The following CFAP97 variants were observed in gnomAD, a reference collection of about 807,000 sequenced individuals.
CFAP97 encodes cilia- and flagella-associated protein 97.
A neutral mutation model predicts 43.1 loss-of-function variants in CFAP97; 36 were observed. The observed-to-expected ratio is 0.84, with a 90% CI of 0.64 to 1.10. The LOEUF is 1.10. Among genes scored for constraint, CFAP97 ranks in the 50% least tolerant of loss-of-function variants. CFAP97 has a pLI of 0.00. For missense variants in CFAP97, 657 were observed against 620.3 expected, an observed-to-expected ratio of 1.06 and a Z score of -0.63; for synonymous variants, 228 against 225.7, an observed-to-expected ratio of 1.01 and a Z score of -0.09.
In CFAP97 at chr4:185,175,973, G is replaced by A. The variant is rs752526312; in HGVS notation, c.1133C>T (p.Ser378Phe). 50 of 1,613,594 alleles carry A rather than the reference G, an allele frequency of 3.1e-5. No individual in the cohort carries two copies. The highest frequency in any genetic ancestry group is 4.2e-5 in the Non-Finnish European group (50 of 1,179,856). ...QPSVAPGKNY[S>F]FTREEVRQID... Reference sequence around the variant, plus strand: ...CTGTCTCACCTCTTCTCTTGTGAAAGAGTAGTTTTTCCCGGGTGCTACTGA... The same window carrying A: ...CTGTCTCACCTCTTCTCTTGTGAAAAAGTAGTTTTTCCCGGGTGCTACTGA... Residue 378 changes from serine to phenylalanine, a missense_variant, in exon 3 of 5, where the codon TCT (serine) becomes TTT (phenylalanine). Physicochemically the swap from Ser to Phe is radical, Grantham distance 155. Transcript: ENST00000458385.
chr4:185,179,875 C>T (rs1735715003), intron 2 of CFAP97, among the ~76,000 whole-genome samples: 1 of 152,200 alleles, frequency 6.6e-6, no homozygotes, highest in South Asian at 2.1e-4. Context: ...ATCAATGCTT[C>T]CATGGTGATG....
chr4:185,205,331 G>A (rs1737141692), upstream of CFAP97, among the ~76,000 whole-genome samples: 1 of 152,096 alleles, frequency 6.6e-6, no homozygotes, highest in South Asian at 2.1e-4. Flanking sequence ...ACGTGAGCCT[G>A]TAGTCCCAGC....
At chr4:185,185,204 CT>C (rs542631243) in intron 2 of CFAP97, among the ~76,000 whole-genome samples, 7 of 149,496 alleles carry the variant, frequency 4.7e-5, no homozygotes, top group East Asian at 1.9e-4. Context: ...GTGAGCTGTA[CT>C]TTTTTTTTTC....
At position 185,162,104 on chromosome 4, in the gene CFAP97, A is replaced by C. The variant is rs573544664; in HGVS notation, c.*694T>G. 6.6e-6 allele frequency: 1 copy of C among 152,350 alleles called. No individual in the cohort carries two copies. Among genetic ancestry groups the C allele is most frequent in the Non-Finnish European group, 1.5e-5 (1 of 68,046 alleles). 9.4% of individuals were successfully genotyped at this position (152,350 alleles called of 1,614,324 possible). A position where few individuals can be genotyped will look rare whatever the true frequency, so the allele number is the denominator to read the frequency against. On this transcript the variant is annotated 3_prime_UTR_variant, in exon 5 of 5. Transcript: ENST00000458385. ...AATAGGACTTTACCTGAATGCATGA[A>C]AACACAAAAGGGAAGCTTCTAAGTT...
At chr4:185,196,848 C>A (rs1012660438) in intron 1 of CFAP97, among the ~76,000 whole-genome samples, 5 of 151,888 alleles carry the variant, frequency 3.3e-5, no homozygotes, top group Non-Finnish European at 7.4e-5. Flanking sequence ...GCCTGTAATC[C>A]CAGCATTTTG....
chr4:185,187,134 A>T (rs977264793), intron 2 of CFAP97, among the ~76,000 whole-genome samples: 1 of 152,252 alleles, frequency 6.6e-6, no homozygotes, highest in Non-Finnish European at 1.5e-5. Flanking sequence ...GGAGAATATT[A>T]ATCAAATGTC....
At chr4:185,184,198 G>C (rs76478182) in intron 2 of CFAP97, among the ~76,000 whole-genome samples, 5,921 of 152,232 alleles carry the variant, frequency 0.039, 373 homozygotes, top group African/African-American at 0.13. Flanking sequence ...TAGTTTTACT[G>C]AACCCAAATC....
upstream of CFAP97, among the ~76,000 whole-genome samples, chr4:185,209,664 C>T (rs1407126763): frequency 6.6e-6 from 1 of 151,470 alleles, no homozygotes; most frequent in Non-Finnish European, 1.5e-5. This position sits in a 1 kb window ranked among gnomAD's most constrained non-coding sequence, Gnocchi z 5.2. Context: ...CGCCTGGTGG[C>T]GGCGCTGAGG....
rs1241656664 is a variant in CFAP97 at position 185,159,986 on chromosome 4, G to GATGAC, written c.*2807_*2811dup. ...GTTTGCAGTATTTGAAGAATCTGAAGATGACAGGCACAGCCGTCACTTACC... is the reference window on the plus strand; with the variant it reads ...GTTTGCAGTATTTGAAGAATCTGAAGATGACATGACAGGCACAGCCGTCACTTACC... On this transcript the variant is annotated 3_prime_UTR_variant, in exon 5 of 5. Transcript: ENST00000458385. 2 of 152,214 alleles carry GATGAC rather than the reference G, an allele frequency of 1.3e-5. No individual in the cohort carries two copies. Among genetic ancestry groups the GATGAC allele is most frequent in the Non-Finnish European group, 2.9e-5 (2 of 68,048 alleles). 9.4% of individuals were successfully genotyped at this position (152,214 alleles called of 1,614,324 possible).
In CFAP97 at chr4:185,161,954, C is replaced by T. The variant is rs1308197503; in HGVS notation, c.*844G>A. 3 of 152,200 alleles carry T rather than the reference C, an allele frequency of 2.0e-5. No homozygotes were observed. The highest frequency in any genetic ancestry group is 4.4e-5 in the Non-Finnish European group (3 of 68,040). The allele number at this position is 152,200 out of a possible 1,614,324, so 9.4% of individuals were successfully genotyped here. A position where few individuals can be genotyped will look rare whatever the true frequency, so the allele number is the denominator to read the frequency against. On this transcript the variant is annotated 3_prime_UTR_variant, in exon 5 of 5. Coordinates refer to ENST00000458385, the MANE Select transcript of CFAP97 (RefSeq NM_020827.3). ...ACACACCTCAGGATCTGCTTCTCGG[C>T]TCTTCATGCTGATAGTGCCATTTTA... is the stretch of plus-strand genomic sequence containing the variant.
At chr4:185,178,868 C>T (rs1415281117) in intron 2 of CFAP97, among the ~76,000 whole-genome samples, 1 of 151,950 alleles carries the variant, frequency 6.6e-6, no homozygotes, top group Non-Finnish European at 1.5e-5. Flanking sequence ...CCTGTGCTTG[C>T]GGTGTTAAGG....
Position 185,161,684 on chromosome 4 carries a change from T to A in CFAP97, c.*1114A>T, listed in dbSNP as rs1734878861. 1 of 152,222 alleles carries A rather than the reference T, an allele frequency of 6.6e-6. No individual in the cohort carries two copies. Among genetic ancestry groups the A allele is most frequent in the South Asian group, 2.1e-4 (1 of 4,828 alleles). 9.4% of individuals were successfully genotyped at this position (152,222 alleles called of 1,614,324 possible). A position where few individuals can be genotyped will look rare whatever the true frequency, so the allele number is the denominator to read the frequency against. On this transcript the variant is annotated 3_prime_UTR_variant, in exon 5 of 5. Transcript: ENST00000458385. ...CCATCAAGATTACTAGGTCTTTAAA[T>A]GTGGGACTGGTAAAAATAATACTTC...
chr4:185,169,624 A>G lies in CFAP97; in HGVS notation c.1321-5445T>C. 3.0e-6 allele frequency: 3 copies of G among 984,998 alleles called. No homozygotes were observed. In the South Asian group the frequency reaches 1.4e-4, roughly 46 times the overall value. The allele number at this position is 984,998 out of a possible 1,614,324, so 61.0% of individuals were successfully genotyped here. On this transcript the variant is annotated intron_variant, in intron 3 of 4. Transcript: ENST00000458385. ...ATTATTCTCTTTGGAAAAAAAATTA[A>G]CCTAGCCCATCTTTTGATGTTTAAA... is the stretch of plus-strand genomic sequence containing the variant.
At chr4:185,194,879 A>G (rs1347584443) in intron 1 of CFAP97, among the ~76,000 whole-genome samples, 1 of 152,204 alleles carries the variant, frequency 6.6e-6, no homozygotes, top group African/African-American at 2.4e-5. Flanking sequence ...TGTTACCATA[A>G]TAGTGTTTGT....
chr4:185,181,748 C>T (rs529084253), intron 2 of CFAP97, among the ~76,000 whole-genome samples: 15 of 152,246 alleles, frequency 9.9e-5, no homozygotes, highest in Admixed American at 3.3e-4. Context: ...TTGGTTTTTG[C>T]TTTTCTTAAA....
At position 185,190,373 on chromosome 4, in the gene CFAP97, T is replaced by C; in HGVS notation, c.824A>G (p.Asn275Ser). The change falls in exon 2 of 5, where the codon AAT becomes AGT. Residue 275 changes from asparagine to serine, a missense_variant. Transcript: ENST00000458385. The stretch of plus-strand genomic sequence containing the variant: ...CTTTTTAATTTTCACTTTTTGATCA[T>C]TTGCTATGCCCAGTTCAAAAGACTG... ...PLQSFELGIANDQKVKIKKQE... is the reference protein window; with the variant it reads ...PLQSFELGIASDQKVKIKKQE... 1 of 1,609,924 alleles carries C rather than the reference T, an allele frequency of 6.2e-7. No homozygotes were observed. The highest frequency in any genetic ancestry group is 1.1e-5 in the South Asian group (1 of 90,560).
At chr4:185,201,439 CTTATT>C (rs1190809025) in intron 1 of CFAP97, among the ~76,000 whole-genome samples, 1 of 151,896 alleles carries the variant, frequency 6.6e-6, no homozygotes, top group Non-Finnish European at 1.5e-5. Flanking sequence ...TAATCATTGT[CTTATT>C]TTAAGAAATT....
chr4:185,168,682 C>T (rs1232932871), intron 3 of CFAP97, among the ~76,000 whole-genome samples: 2 of 152,108 alleles, frequency 1.3e-5, no homozygotes, highest in African/African-American at 4.8e-5. Context: ...ATCACGAGGT[C>T]AGGAGTTCGA....
intron 3 of CFAP97, among the ~76,000 whole-genome samples, chr4:185,175,064 G>A (rs1198229400): frequency 3.9e-5 from 6 of 152,114 alleles, no homozygotes; most frequent in Admixed American, 3.3e-4. Flanking sequence ...TAAAATAAGT[G>A]ATGTACAATT....
Sources: gnomAD v4.1 joint callset for allele counts (sites outside exome capture counted in the v4.1 genomes callset) on GRCh38, gnomAD v4.1.1 for gene constraint, Gnocchi (gnomAD v3.1) non-coding constraint, MANE v1.5 for transcripts, NCBI Gene and HGNC (gene_info 2026-07-23, HGNC 2026-07-21) for gene names.